SUPT3H: variants seen among roughly 807,000 people sequenced by gnomAD.
The protein encoded by SUPT3H is SPT3 homolog, SAGA and STAGA complex component.
Under a neutral mutation model 44.3 loss-of-function variants are expected in SUPT3H, and 44 were observed. The observed-to-expected ratio is 0.99, with a 90% CI of 0.78 to 1.28. The LOEUF (loss-of-function observed/expected upper bound fraction) is 1.28. Among genes scored for constraint, SUPT3H ranks in the 50% most tolerant of loss-of-function variants. The pLI is 0.00. For synonymous variants in SUPT3H, 124 were observed against 125.6 expected, an observed-to-expected ratio of 0.99 and a Z score of 0.09; for missense variants, 380 against 387.1, an observed-to-expected ratio of 0.98 and a Z score of 0.15.
intron 2 of SUPT3H, among the ~76,000 whole-genome samples, chr6:45,176,182 G>A (rs1413718040): frequency 6.6e-6 from 1 of 151,812 alleles, no homozygotes; most frequent in Non-Finnish European, 1.5e-5. Flanking sequence ...TCTCACTAGG[G>A]AGTGCCAGAC....
chr6:45,282,378 G>A (rs928417972), intron 2 of SUPT3H, among the ~76,000 whole-genome samples: 2 of 152,132 alleles, frequency 1.3e-5, no homozygotes, highest in Admixed American at 1.3e-4. Flanking sequence ...AACCAATGCA[G>A]AGAAGTCCTT....
At chr6:45,302,545 A>G (rs1782313062) in intron 2 of SUPT3H, among the ~76,000 whole-genome samples, 2 of 91,362 alleles carry the variant, frequency 2.2e-5, no homozygotes, top group South Asian at 4.2e-4. Context: ...ATATATATAT[A>G]TATATATATA....
chr6:45,197,488 A>G (rs1285014), intron 2 of SUPT3H, among the ~76,000 whole-genome samples: 57,679 of 151,008 alleles, frequency 0.38, 11,598 homozygotes, highest in Non-Finnish European at 0.45. Context: ...CAGTTAAATT[A>G]TGCTATTTGG....
chr6:45,345,493 G>A (rs1264615377), intron 2 of SUPT3H, among the ~76,000 whole-genome samples: 1 of 151,914 alleles, frequency 6.6e-6, no homozygotes, highest in African/African-American at 2.4e-5. Context: ...ATAAACCAAC[G>A]CTCAAACCTG....
rs1243619893 is a variant in SUPT3H at position 44,861,224 on chromosome 6, G to A, written c.913-31367C>T. 2.0e-5 allele frequency among the ~76,000 whole-genome samples: 3 copies of A among 151,998 alleles called. No homozygotes were observed. In the East Asian group the frequency reaches 5.8e-4, roughly 30 times the overall value. On this transcript the variant is annotated intron_variant, in intron 10 of 10. Coordinates refer to ENST00000371459, the MANE Select transcript of SUPT3H (RefSeq NM_003599.4). ...CCTGAGTAGCTAGGACTACAGGCAA[G>A]CACCACCACACCTGGCTAGTTGTTT...
At chr6:44,921,290 G>A (rs1768683771) in intron 10 of SUPT3H, among the ~76,000 whole-genome samples, 1 of 152,192 alleles carries the variant, frequency 6.6e-6, no homozygotes, top group Non-Finnish European at 1.5e-5. Context: ...GCTGTCCTTT[G>A]TATGCGAAGT....
At chr6:44,866,990 AC>A (rs766695046) in intron 10 of SUPT3H, among the ~76,000 whole-genome samples, 5 of 152,222 alleles carry the variant, frequency 3.3e-5, no homozygotes, top group Non-Finnish European at 7.3e-5. Context: ...GTGAAAGGAA[AC>A]ATCACTGTCC....
chr6:44,956,755 ATGCTC>A (rs1775282602), intron 7 of SUPT3H, among the ~76,000 whole-genome samples: 1 of 152,128 alleles, frequency 6.6e-6, no homozygotes, highest in African/African-American at 2.4e-5. Context: ...CTTCCATGGA[ATGCTC>A]TGCCATCACT....
chr6:45,048,498 C>A (rs567950331), intron 3 of SUPT3H, among the ~76,000 whole-genome samples: 1 of 151,946 alleles, frequency 6.6e-6, no homozygotes, highest in Admixed American at 6.5e-5. Flanking sequence ...TGTCTCAACA[C>A]CATTTAAAAC....
chr6:45,034,442 T>C (rs1787387732), intron 3 of SUPT3H, among the ~76,000 whole-genome samples: 1 of 152,158 alleles, frequency 6.6e-6, no homozygotes, highest in Admixed American at 6.6e-5. Flanking sequence ...TTTAGTGTCA[T>C]ATAAGTCTTT....
At chr6:45,312,692 G>T (rs891291154) in intron 2 of SUPT3H, among the ~76,000 whole-genome samples, 4 of 132,890 alleles carry the variant, frequency 3.0e-5, no homozygotes, top group Admixed American at 7.5e-5. Context: ...TGGGGGGGGG[G>T]GGGGACTTCA....
chr6:44,972,152 T>A (rs766521371), intron 6 of SUPT3H, among the ~76,000 whole-genome samples: 2 of 152,106 alleles, frequency 1.3e-5, no homozygotes, highest in Non-Finnish European at 2.9e-5. Flanking sequence ...ACAAGACCAG[T>A]CCCTTCCACT....
intron 2 of SUPT3H, among the ~76,000 whole-genome samples, chr6:45,127,206 C>A (rs1802576249): frequency 6.6e-6 from 1 of 152,076 alleles, no homozygotes; most frequent in African/African-American, 2.4e-5. Context: ...CCTAGCTACT[C>A]AGGAGGCTGA....
chr6:44,901,651 C>G (rs1182022639), intron 10 of SUPT3H, among the ~76,000 whole-genome samples: 1 of 151,576 alleles, frequency 6.6e-6, no homozygotes. Context: ...GGCCAACATT[C>G]AGATTCAGGA....
At chr6:45,158,298 A>ATATATTTTT in intron 2 of SUPT3H, among the ~76,000 whole-genome samples, 1 of 99,694 alleles carries the variant, frequency 1.0e-5, no homozygotes, top group African/African-American at 5.0e-5. Context: ...ATATATATAT[A>ATATATTTTT]TTTTTTTTTT....
At chr6:45,327,405 A>C (rs1268862769) in intron 2 of SUPT3H, among the ~76,000 whole-genome samples, 2 of 152,068 alleles carry the variant, frequency 1.3e-5, no homozygotes, top group African/African-American at 4.8e-5. Context: ...ATTAATGTCT[A>C]AACTACTTAA....
chr6:45,297,808 G>A (rs868285445), intron 2 of SUPT3H, among the ~76,000 whole-genome samples: 2 of 152,256 alleles, frequency 1.3e-5, no homozygotes, highest in South Asian at 4.1e-4. Context: ...TTAGCACAGA[G>A]TAGACATCCA....
rs188780627 is a variant in SUPT3H, at chr6:45,090,935, T to C, written c.186+14987A>G. Among the ~76,000 whole-genome samples the C allele has an allele frequency of 9.2e-5, 14 of 152,030 alleles. No homozygotes were observed. In the East Asian group the frequency reaches 2.7e-3, roughly 29 times the overall value. ...ATAAAAACAGTCTACAAAGAGAAAC[T>C]TTAGTGCTCAAGGAAAAAGATTCTA... On this transcript the variant is annotated intron_variant, in intron 3 of 10. Transcript: ENST00000371459.
chr6:45,341,643 A>C (rs1233098698), intron 2 of SUPT3H, among the ~76,000 whole-genome samples: 1 of 152,206 alleles, frequency 6.6e-6, no homozygotes, highest in African/African-American at 2.4e-5. Flanking sequence ...CGAGGTAACA[A>C]AAAGAAAGGA....
Sources: gnomAD v4.1 joint callset for allele counts (sites outside exome capture counted in the v4.1 genomes callset) on GRCh38, gnomAD v4.1.1 for gene constraint, MANE v1.5 for transcripts, NCBI Gene and HGNC (gene_info 2026-07-23, HGNC 2026-07-21) for gene names.